The following TLN2 variants were observed in gnomAD, a reference collection of about 807,000 sequenced individuals.
The protein encoded by TLN2 is talin-2.
In TLN2, 118 loss-of-function variants were observed where a neutral mutation model predicts 294.7. The ratio of observed to expected loss-of-function variants is 0.40; its 90% CI spans 0.34 to 0.47. The LOEUF (loss-of-function observed/expected upper bound fraction) is 0.47. Among genes scored for constraint, TLN2 ranks in the 20% least tolerant of loss-of-function variants. TLN2 has a pLI of 0.84. For synonymous variants in TLN2, 1,431 were observed against 1,304.5 expected (o/e 1.10, Z -2.09); for missense variants, 3,083 against 3,282.2 (o/e 0.94, Z 1.48).
chr15:62,534,520 G>C (rs1596041918), intron 1 of TLN2, among the ~76,000 whole-genome samples: 1 of 152,232 alleles, frequency 6.6e-6, no homozygotes, highest in Admixed American at 6.5e-5. Flanking sequence ...CACCCTCCAA[G>C]AACCTGCATG....
chr15:62,649,646 G>A (rs1300136997), intron 4 of TLN2, among the ~76,000 whole-genome samples: 2 of 152,138 alleles, frequency 1.3e-5, no homozygotes, highest in African/African-American at 2.4e-5. Context: ...CACTGGAGAC[G>A]TAAAGGCTTC....
In TLN2 at chr15:62,835,786, G is replaced by A. The variant is rs1274658687; in HGVS notation, c.7178G>A (p.Gly2393Glu). 3 of 1,614,064 alleles carry A rather than the reference G, an allele frequency of 1.9e-6. No individual in the cohort carries two copies. Among genetic ancestry groups the A allele is most frequent in the Middle Eastern group, 1.6e-4 (1 of 6,084 alleles). The change falls in exon 56 of 59, where the codon GGG becomes GAG. Residue 2393 changes from glycine (G) to glutamate (E), a missense_variant. Transcript: ENST00000636159. Reference sequence around the variant, plus strand: ...GCAGACGACGGACAGTGGTCACAGGGGCTGATTTCTGCTGTGAGTTGCCTT... The same window carrying A: ...GCAGACGACGGACAGTGGTCACAGGAGCTGATTTCTGCTGTGAGTTGCCTT... The part of the protein sequence containing the change: ...NAADDGQWSQ[G>E]LISAARMVAA...
chr15:62,410,832 C>T (rs1037645573), intron 1 of TLN2, among the ~76,000 whole-genome samples: 4 of 152,208 alleles, frequency 2.6e-5, no homozygotes, highest in South Asian at 2.1e-4. Context: ...GATAAGGTAG[C>T]GTAAGTGGGA....
intron 1 of TLN2, among the ~76,000 whole-genome samples, chr15:62,569,063 C>T (rs1371509262): frequency 1.3e-5 from 2 of 152,182 alleles, no homozygotes; most frequent in South Asian, 2.1e-4. Context: ...TGGCTCCATG[C>T]CTTCCTCGTC....
intron 1 of TLN2, among the ~76,000 whole-genome samples, chr15:62,402,480 G>C (rs775184989): frequency 2.0e-5 from 3 of 152,116 alleles, no homozygotes; most frequent in Non-Finnish European, 2.9e-5. Flanking sequence ...ACCCAGCTCA[G>C]ATTCTTGCAT....
intron 19 of TLN2, among the ~76,000 whole-genome samples, chr15:62,706,396 CCAT>C (rs2059073140): frequency 6.6e-6 from 1 of 152,244 alleles, no homozygotes; most frequent in Non-Finnish European, 1.5e-5. Flanking sequence ...TTCAGTCAGA[CCAT>C]CTTATAGCTA....
At chr15:62,785,650 C>A (rs79636323) in intron 45 of TLN2, among the ~76,000 whole-genome samples, 633 of 119,996 alleles carry the variant, frequency 5.3e-3, no homozygotes, top group South Asian at 7.1e-3. Flanking sequence ...GACTCCATCT[C>A]AAAAAAAAAA....
At chr15:62,718,161 T>C (rs1595773314) in intron 24 of TLN2, among the ~76,000 whole-genome samples, 1 of 152,222 alleles carries the variant, frequency 6.6e-6, no homozygotes, top group South Asian at 2.1e-4. Flanking sequence ...TGCTCTTTTG[T>C]CTCTATTCTT....
intron 2 of TLN2, among the ~76,000 whole-genome samples, chr15:62,597,307 TA>T (rs2140764422): frequency 6.6e-6 from 1 of 152,306 alleles, no homozygotes; most frequent in East Asian, 1.9e-4. Flanking sequence ...TAAAAACCAG[TA>T]AGTGGTATTT....
intron 9 of TLN2, chr15:62,658,185 C>CAAAAA (rs55907989): frequency 3.6e-5 from 6 of 168,360 alleles, no homozygotes; most frequent in South Asian, 1.2e-4. Flanking sequence ...AAAAAAAAAC[C>CAAAAA]AAAAAAAAAA....
At chr15:62,799,272 A>T (rs1596038419) in intron 48 of TLN2, among the ~76,000 whole-genome samples, 1 of 152,168 alleles carries the variant, frequency 6.6e-6, no homozygotes, top group South Asian at 2.1e-4. Context: ...CGAGGAGTAA[A>T]TGAGATAATG....
chr15:62,658,683 GGTGTTCCTCA>G (rs1256567916), intron 9 of TLN2, among the ~76,000 whole-genome samples: 3 of 152,076 alleles, frequency 2.0e-5, no homozygotes, highest in Admixed American at 6.5e-5. Flanking sequence ...CATACTGCCG[GGTGTTCCTCA>G]GGGCCTGCTT....
Position 62,722,405 on chromosome 15 carries a change from A to T in TLN2, c.3044A>T (p.Asp1015Val). ...AAAGCCGCAGTGCCCACCGTGAGTGACCAGGCCGCAGCCATGCAGCTGAGC... is the reference window on the plus strand; with the variant it reads ...AAAGCCGCAGTGCCCACCGTGAGTGTCCAGGCCGCAGCCATGCAGCTGAGC... ...SAKAAVPTVS[D>V]QAAAMQLSQC... The change falls in exon 26 of 59, where the codon GAC (aspartate) becomes GTC (valine). Residue 1015 changes from aspartate (D) to valine (V), a missense_variant. Physicochemically the swap from Asp to Val is radical, Grantham distance 152. Coordinates refer to ENST00000636159, the MANE Select transcript of TLN2 (RefSeq NM_015059.3). The T allele has an allele frequency of 6.2e-7, 1 of 1,613,468 alleles. No individual in the cohort carries two copies. Among genetic ancestry groups the T allele is most frequent in the South Asian group, 1.1e-5 (1 of 91,018 alleles).
intron 1 of TLN2, among the ~76,000 whole-genome samples, chr15:62,574,945 G>A (rs2044259405): frequency 6.6e-6 from 1 of 151,828 alleles, no homozygotes; most frequent in South Asian, 2.1e-4. Context: ...AATGTAGAGG[G>A]AGATTGCCAA....
At position 62,761,673 on chromosome 15, in the gene TLN2, C is replaced by A. The variant is rs769517787; in HGVS notation, c.4639-8C>A. On this transcript the variant is annotated splice_polypyrimidine_tract_variant and splice_region_variant and intron_variant, in intron 37 of 58. Coordinates refer to ENST00000636159, the MANE Select transcript of TLN2 (RefSeq NM_015059.3). ...ATTGGGCAGAATCTCCCTGTTTTCT[C>A]CCATCAGGCCCTGGATGGGGATTTC... 6.2e-7 allele frequency: 1 copy of A among 1,614,090 alleles called. No individual in the cohort carries two copies. Among genetic ancestry groups the A allele is most frequent in the South Asian group, 1.1e-5 (1 of 91,068 alleles).
At chr15:62,755,805 T>A in intron 37 of TLN2, 112 bp downstream of exon 37, 1 of 1,368,592 alleles carries the variant, frequency 7.3e-7, no homozygotes, top group Non-Finnish European at 9.9e-7. Context: ...GCTTAACTTC[T>A]AATTCAGTCT....
chr15:62,399,720 T>C lies in TLN2; in HGVS notation c.-238+9035T>C, dbSNP rs377759261. Among the ~76,000 whole-genome samples, 4 of 152,360 alleles carry C rather than the reference T, an allele frequency of 2.6e-5. No homozygotes were observed. In the East Asian group the frequency reaches 7.7e-4, roughly 29 times the overall value. ...ACTTGCATGGGGCCTGGAGCCCCTT[T>C]ATTTTGGCCAATTTCTCCTATTTGG... On this transcript the variant is annotated intron_variant, in intron 1 of 58. Transcript: ENST00000636159.
At chr15:62,402,444 T>A (rs1027493885) in intron 1 of TLN2, among the ~76,000 whole-genome samples, 1 of 152,180 alleles carries the variant, frequency 6.6e-6, no homozygotes, top group African/African-American at 2.4e-5. Flanking sequence ...TTTTTCATTG[T>A]CCATCATCCC....
At chr15:62,712,630 G>A (rs1171530623) in intron 22 of TLN2, among the ~76,000 whole-genome samples, 1 of 152,142 alleles carries the variant, frequency 6.6e-6, no homozygotes, top group Non-Finnish European at 1.5e-5. Flanking sequence ...CTGAACCAGC[G>A]GTCTGATACA....
Sources: gnomAD v4.1 joint callset for allele counts (sites outside exome capture counted in the v4.1 genomes callset) on GRCh38, gnomAD v4.1.1 for gene constraint, MANE v1.5 for transcripts, NCBI Gene and HGNC (gene_info 2026-07-23, HGNC 2026-07-21) for gene names.